The following SLIT1 variants were observed in gnomAD, a reference collection of about 807,000 sequenced individuals.
The protein encoded by SLIT1 is slit homolog 1 protein.
In SLIT1, 66 loss-of-function variants were observed where a neutral mutation model predicts 186.1. The ratio of observed to expected loss-of-function variants is 0.35; its 90% confidence interval spans 0.29 to 0.44. The LOEUF is 0.44. Ranked by LOEUF, SLIT1 falls within the 20% of genes least tolerant of loss-of-function variation. The pLI is 1.00. For synonymous variants in SLIT1, 761 were observed against 833.8 expected (o/e 0.91, Z 1.50); for missense variants, 1,638 against 2,037.4 (o/e 0.80, Z 3.77).
intron 4 of SLIT1, among the ~76,000 whole-genome samples, chr10:97,145,622 G>A (rs1237670914): frequency 2.0e-5 from 3 of 152,252 alleles, no homozygotes; most frequent in African/African-American, 7.2e-5. Flanking sequence ...CCAGATAAAG[G>A]TCAGCATGTG....
chr10:97,113,438 AT>A (rs1300882077), intron 4 of SLIT1, among the ~76,000 whole-genome samples: 1 of 151,594 alleles, frequency 6.6e-6, no homozygotes, highest in Non-Finnish European at 1.5e-5. Context: ...GGGTTTCACT[AT>A]GCTGGTCAGG....
intron 20 of SLIT1, among the ~76,000 whole-genome samples, chr10:97,041,415 C>T (rs773327879): frequency 4.9e-5 from 7 of 143,478 alleles, no homozygotes; most frequent in South Asian, 2.2e-4. Flanking sequence ...TAGCAAATGT[C>T]GACAGGAGTT....
chr10:97,100,645 A>AAC (rs1849342091), intron 4 of SLIT1, among the ~76,000 whole-genome samples: 1 of 151,904 alleles, frequency 6.6e-6, no homozygotes, highest in Admixed American at 6.6e-5. Flanking sequence ...AAAAAAAAAA[A>AAC]TTGAAACAAT....
chr10:97,131,156 A>G (rs183752356), intron 4 of SLIT1, among the ~76,000 whole-genome samples: 1 of 152,260 alleles, frequency 6.6e-6, no homozygotes, highest in African/African-American at 2.4e-5. Flanking sequence ...GCACCAAAGG[A>G]GGGCACTTCC....
At chr10:97,078,412 A>T (rs1439355522) in intron 4 of SLIT1, among the ~76,000 whole-genome samples, 2 of 152,122 alleles carry the variant, frequency 1.3e-5, no homozygotes, top group Non-Finnish European at 2.9e-5. Flanking sequence ...TCAGGCAGAG[A>T]CATTAAGCAG....
At chr10:97,108,446 T>G (rs1849434120) in intron 4 of SLIT1, among the ~76,000 whole-genome samples, 1 of 152,174 alleles carries the variant, frequency 6.6e-6, no homozygotes, top group African/African-American at 2.4e-5. Context: ...GTCCTTTTCC[T>G]CCACCAAATC....
chr10:97,074,757 A>C (rs1052319896), intron 4 of SLIT1, among the ~76,000 whole-genome samples: 5 of 152,082 alleles, frequency 3.3e-5, no homozygotes, highest in African/African-American at 7.2e-5. Flanking sequence ...CGCCAGGCCC[A>C]CACCCTGACT....
intron 4 of SLIT1, among the ~76,000 whole-genome samples, chr10:97,101,003 C>A (rs1490691): frequency 0.53 from 80,728 of 152,018 alleles, 23,031 homozygotes; most frequent in East Asian, 0.77. Flanking sequence ...AGGGAATGGA[C>A]CTCTCTGTGC....
intron 1 of SLIT1, among the ~76,000 whole-genome samples, chr10:97,171,553 C>T (rs1301032783): frequency 6.6e-6 from 1 of 152,246 alleles, no homozygotes; most frequent in African/African-American, 2.4e-5. Flanking sequence ...GGCACAGTGG[C>T]TCATGCCTGT....
At chr10:97,036,088 C>T (rs1250001857) in intron 22 of SLIT1, among the ~76,000 whole-genome samples, 2 of 152,164 alleles carry the variant, frequency 1.3e-5, no homozygotes, top group South Asian at 2.1e-4. Flanking sequence ...GGGGCCTTCA[C>T]GTCTGCCCAC....
rs1848265933 is a variant in SLIT1 at position 96,998,278 on chromosome 10, A to C, written c.*2834T>G. ...TTAACATATAAAAATACTGTAACAA[A>C]ATGAAATACAAATATATATTAGAAT... On this transcript the variant is annotated 3_prime_UTR_variant, in exon 37 of 37. Coordinates refer to ENST00000266058, the MANE Select transcript of SLIT1 (RefSeq NM_003061.3). 6.6e-6 allele frequency: 1 copy of C among 152,358 alleles called. No individual in the cohort carries two copies. The highest frequency in any genetic ancestry group is 3.4e-3 in the Middle Eastern group (1 of 294). 9.4% of individuals were successfully genotyped at this position (152,358 alleles called of 1,614,324 possible). A position where few individuals can be genotyped will look rare whatever the true frequency, so the allele number is the denominator to read the frequency against.
At chr10:97,053,341 C>T (rs184923936) in intron 13 of SLIT1, among the ~76,000 whole-genome samples, 25 of 152,304 alleles carry the variant, frequency 1.6e-4, no homozygotes, top group Admixed American at 1.4e-3. Flanking sequence ...ATTTCACATA[C>T]TTGGCAAGGT....
chr10:97,105,534 A>G (rs919252839), intron 4 of SLIT1, among the ~76,000 whole-genome samples: 1 of 152,202 alleles, frequency 6.6e-6, no homozygotes, highest in Non-Finnish European at 1.5e-5. Context: ...AGCAGAGAAC[A>G]TAAATCACCA....
chr10:97,062,788 T>G (rs1277115152), intron 8 of SLIT1, among the ~76,000 whole-genome samples: 1 of 152,254 alleles, frequency 6.6e-6, no homozygotes, highest in Non-Finnish European at 1.5e-5. Context: ...GACACAGTGC[T>G]GACGGCCAGG....
At chr10:97,180,492 G>T (rs752891423) in intron 1 of SLIT1, among the ~76,000 whole-genome samples, 97 of 152,156 alleles carry the variant, frequency 6.4e-4, no homozygotes, top group Non-Finnish European at 1.1e-3. Flanking sequence ...CTAAAACTCG[G>T]GTTTCTGTTT....
chr10:97,106,765 A>G (rs2817694), intron 4 of SLIT1, among the ~76,000 whole-genome samples: 76,360 of 152,038 alleles, frequency 0.5, 20,979 homozygotes, highest in East Asian at 0.73. Flanking sequence ...CTGAGCAGAC[A>G]GGCCAGAGGT....
intron 8 of SLIT1, 49 bp from the exon 9 acceptor site, chr10:97,060,836 C>G (rs962146806): frequency 1.3e-6 from 2 of 1,514,996 alleles, no homozygotes; most frequent in African/African-American, 2.7e-5. Flanking sequence ...ATCAGCACCT[C>G]CCTTGAGCCC....
intron 15 of SLIT1, 35 bp from the exon 16 acceptor site, chr10:97,047,869 C>A: frequency 6.2e-7 from 1 of 1,613,300 alleles, no homozygotes. Flanking sequence ...GGCTGAGGAG[C>A]CCGGGGCCGG....
At chr10:97,050,367 G>C (rs1021806501) in intron 13 of SLIT1, among the ~76,000 whole-genome samples, 1 of 152,148 alleles carries the variant, frequency 6.6e-6, no homozygotes, top group African/African-American at 2.4e-5. Flanking sequence ...AGACCTTGGC[G>C]GTGCTCTCTG....
Sources: gnomAD v4.1 joint callset for allele counts (sites outside exome capture counted in the v4.1 genomes callset) on GRCh38, gnomAD v4.1.1 for gene constraint, MANE v1.5 for transcripts, NCBI Gene and HGNC (gene_info 2026-07-23, HGNC 2026-07-21) for gene names.